The following RYR2 variants were observed in gnomAD, a reference collection of about 807,000 sequenced individuals.
The protein encoded by RYR2 is cardiac muscle ryanodine receptor-calcium release channel.
Under a neutral mutation model 601.1 loss-of-function variants are expected in RYR2, and 227 were observed. The observed-to-expected ratio is 0.38, with a 90% CI of 0.34 to 0.42. RYR2 has a LOEUF of 0.42. RYR2 is among the 10% of genes least tolerant of loss of function. The pLI, the probability that RYR2 is intolerant of heterozygous loss-of-function variation, is 1.00. For synonymous variants in RYR2, 2,223 were observed against 2,175.1 expected (o/e 1.02, Z -0.61); for missense variants, 4,646 against 6,156.5 (o/e 0.75, Z 8.21).
chr1:237,173,900 C>T (rs1048752143), intron 1 of RYR2, among the ~76,000 whole-genome samples: 9 of 151,844 alleles, frequency 5.9e-5, no homozygotes, highest in East Asian at 1.9e-4. Flanking sequence ...ACTAAAAATA[C>T]GAAAAAATTA....
intron 12 of RYR2, among the ~76,000 whole-genome samples, chr1:237,429,888 A>T (rs562639414): frequency 2.0e-5 from 3 of 152,224 alleles, no homozygotes; most frequent in African/African-American, 7.2e-5. Context: ...ATGCCAAAAA[A>T]ATGGAAAAGT....
At chr1:237,623,179 GT>G (rs1451531849) in intron 38 of RYR2, among the ~76,000 whole-genome samples, 4 of 152,076 alleles carry the variant, frequency 2.6e-5, no homozygotes, top group African/African-American at 9.7e-5. Flanking sequence ...CTGACATATT[GT>G]GGACTTGAGA....
chr1:237,543,298 TC>T (rs1378445518), intron 25 of RYR2, among the ~76,000 whole-genome samples: 22 of 152,148 alleles, frequency 1.4e-4, no homozygotes, highest in Admixed American at 4.6e-4. Flanking sequence ...GTAGGGCACA[TC>T]TTCATATTAC....
chr1:237,472,782 A>G (rs1265284538), intron 17 of RYR2, among the ~76,000 whole-genome samples: 3 of 152,190 alleles, frequency 2.0e-5, no homozygotes, highest in East Asian at 3.9e-4. Flanking sequence ...CTTTGCACGC[A>G]TAGGCTGTAG....
At chr1:237,674,689 T>G in intron 59 of RYR2, 42 bp from the exon 60 acceptor site, 1 of 1,078,536 alleles carries the variant, frequency 9.3e-7, no homozygotes, top group Non-Finnish European at 1.4e-6. Context: ...TCTAAGAGGC[T>G]TTGTACAAAT....
chr1:237,761,075 C>G, intron 84 of RYR2, 47 bp downstream of exon 84: 1 of 1,077,612 alleles, frequency 9.3e-7, no homozygotes, highest in Non-Finnish European at 1.4e-6. Flanking sequence ...CCTTCCCTCC[C>G]TGAAACGAGT....
Position 237,798,032 on chromosome 1 carries a change from C to G in RYR2, c.13957-5C>G, listed in dbSNP as rs189772599. 35 of 1,607,270 alleles carry G rather than the reference C, an allele frequency of 2.2e-5. No individual in the cohort carries two copies. In the African/African-American group the frequency reaches 4.4e-4, roughly 20 times the overall value. On this transcript the variant is annotated splice_region_variant and splice_polypyrimidine_tract_variant and intron_variant, in intron 96 of 104. Transcript: ENST00000366574. ...CCAACAAAATGCTTTTTCTCATACC[C>G]CAAGGTTATGGATAAATATGGAGAG... is the stretch of plus-strand genomic sequence containing the variant.
At chr1:237,254,541 C>G (rs1687765677) in intron 1 of RYR2, among the ~76,000 whole-genome samples, 1 of 152,146 alleles carries the variant, frequency 6.6e-6, no homozygotes, top group Non-Finnish European at 1.5e-5. Context: ...ATGGTTTGTA[C>G]AATCTGAGTC....
intron 10 of RYR2, among the ~76,000 whole-genome samples, chr1:237,401,114 G>A (rs755108373): frequency 2.0e-5 from 3 of 152,108 alleles, no homozygotes; most frequent in East Asian, 1.9e-4. Flanking sequence ...TATGGCCCTC[G>A]TCTGTCAATT....
At chr1:237,365,544 GA>G (rs1700116735) in intron 5 of RYR2, among the ~76,000 whole-genome samples, 1 of 152,200 alleles carries the variant, frequency 6.6e-6, no homozygotes, top group African/African-American at 2.4e-5. Flanking sequence ...ATCACATTTT[GA>G]AGAGAGGACG....
At chr1:237,690,936 TG>T (rs1686887594) in intron 63 of RYR2, among the ~76,000 whole-genome samples, 1 of 152,230 alleles carries the variant, frequency 6.6e-6, no homozygotes, top group Non-Finnish European at 1.5e-5. Flanking sequence ...TATGCCAGTG[TG>T]GATTTTTCCA....
At chr1:237,805,863 G>T (rs114033948) in intron 98 of RYR2, among the ~76,000 whole-genome samples, 6 of 151,894 alleles carry the variant, frequency 4.0e-5, no homozygotes, top group South Asian at 4.2e-4. Context: ...ATCCTACAGC[G>T]GTATAGAACC....
intron 52 of RYR2, 27 bp downstream of exon 52, chr1:237,654,441 TGTATCAATAAAATGGTATA>T: frequency 6.2e-7 from 1 of 1,611,300 alleles, no homozygotes; most frequent in Non-Finnish European, 8.5e-7. Flanking sequence ...TGGGTTTGTT[TGTATCAATAAAATGGTATA>T]GAGCCACACA....
chr1:237,296,301 A>G (rs1386002535), intron 2 of RYR2, among the ~76,000 whole-genome samples: 1 of 152,198 alleles, frequency 6.6e-6, no homozygotes. Context: ...TTTAAATTCA[A>G]TGGAAAGCTG....
In RYR2 at chr1:237,593,480, A is replaced by G. The variant is rs1427196403; in HGVS notation, c.4280A>G (p.Tyr1427Cys). Residue 1427 changes from tyrosine (Y) to cysteine (C), a missense_variant, in exon 33 of 105, where the codon TAT (tyrosine) becomes TGT (cysteine). Transcript: ENST00000366574. Reference sequence around the variant, plus strand: ...TTGGTTCTGCTATCTTCACAGTACTATTACTCAGTGAGAATCTTTCCTGGA... The same window carrying G: ...TTGGTTCTGCTATCTTCACAGTACTGTTACTCAGTGAGAATCTTTCCTGGA... ...YDFLMQTSTY[Y>C]YSVRIFPGQE... 5.6e-6 allele frequency: 9 copies of G among 1,612,216 alleles called. No homozygotes were observed. Among genetic ancestry groups the G allele is most frequent in the South Asian group, 1.1e-5 (1 of 90,746 alleles).
rs151330839 is a variant in RYR2, at chr1:237,586,336, G to T, written c.3599-3457G>T. On this transcript the variant is annotated intron_variant, in intron 29 of 104. Coordinates refer to ENST00000366574, the MANE Select transcript of RYR2 (RefSeq NM_001035.3). ...TCACAGTTAATTATTCTCAGGAATAGATTATTTCTCTTTTTACCTTTTTGT... is the reference window on the plus strand; with the variant it reads ...TCACAGTTAATTATTCTCAGGAATATATTATTTCTCTTTTTACCTTTTTGT... Among the ~76,000 whole-genome samples the T allele has an allele frequency of 3.3e-5, 5 of 152,300 alleles. No individual in the cohort carries two copies. The East Asian group carries it at 9.7e-4, about 29-fold the overall frequency.
intron 1 of RYR2, among the ~76,000 whole-genome samples, chr1:237,168,515 G>C (rs1676966514): frequency 6.6e-6 from 1 of 152,002 alleles, no homozygotes; most frequent in South Asian, 2.1e-4. Flanking sequence ...AGATTTCCAA[G>C]CCTTCTGTTG....
chr1:237,059,209 G>A (rs1662551965), intron 1 of RYR2, among the ~76,000 whole-genome samples: 1 of 152,122 alleles, frequency 6.6e-6, no homozygotes, highest in Non-Finnish European at 1.5e-5. Flanking sequence ...AGGGTGCTGT[G>A]TATAACTCAG....
rs1168079187 is a variant in RYR2 at position 237,506,304 on chromosome 1, G to A, written c.2614-406G>A. On this transcript the variant is annotated intron_variant, in intron 22 of 104. Coordinates refer to ENST00000366574, the MANE Select transcript of RYR2 (RefSeq NM_001035.3). ...TGTAATCCCAGCACTTTGGGAGGCC[G>A]AGGCGGGCGGATCACGAGGTCAGGA... is the stretch of plus-strand genomic sequence containing the variant. 2.6e-5 allele frequency among the ~76,000 whole-genome samples: 4 copies of A among 152,174 alleles called. No homozygotes were observed. The East Asian group carries it at 5.8e-4, about 22-fold the overall frequency.
Sources: allele counts gnomAD v4.1 joint callset (sites outside exome capture counted in the v4.1 genomes callset), GRCh38; gene constraint gnomAD v4.1.1; transcripts MANE v1.5; gene names NCBI Gene and HGNC (gene_info 2026-07-23, HGNC 2026-07-21).